Variants in AKAP13 observed in about 807,000 individuals in gnomAD.
AKAP13 encodes the protein A-kinase anchor protein 13.
A neutral mutation model predicts 264.5 loss-of-function variants in AKAP13; 80 were observed. The observed-to-expected ratio is 0.30, with a 90% CI of 0.25 to 0.36. AKAP13 has a LOEUF of 0.36. AKAP13 is among the 10% of genes least tolerant of loss of function. The pLI is 1.00. For missense variants in AKAP13, 3,712 were observed against 3,435.2 expected (o/e 1.08, Z -2.01); for synonymous variants, 1,380 against 1,250.2 (o/e 1.10, Z -2.19).
rs535020473 is a variant in AKAP13, at chr15:85,575,464, C to T, written c.861+135C>T. The T allele has an allele frequency of 1.1e-4, 94 of 844,448 alleles. No individual in the cohort carries two copies. In the African/African-American group the frequency reaches 1.2e-3, roughly 11 times the overall value. 52.3% of individuals were successfully genotyped at this position (844,448 alleles called of 1,614,324 possible). A position where few individuals can be genotyped will look rare whatever the true frequency, so the allele number is the denominator to read the frequency against. ...ATGCTTTCCTGGTGGGAGGCTGAGACGGGCGGATCACGAGGTCAGGAGATG... is the reference window on the plus strand; with the variant it reads ...ATGCTTTCCTGGTGGGAGGCTGAGATGGGCGGATCACGAGGTCAGGAGATG... On this transcript the variant is annotated intron_variant, in intron 6 of 36. Transcript: ENST00000394518.
Position 85,655,806 on chromosome 15 carries a change from T to G in AKAP13, c.4745+19T>G. On this transcript the variant is annotated intron_variant, in intron 11 of 36. Transcript: ENST00000394518. Reference sequence around the variant, plus strand: ...ACCGGAGGTGAGATGGGAGGCGGTTTGTTTAGTGTCTCAGTGTCTGCTTGC... The same window carrying G: ...ACCGGAGGTGAGATGGGAGGCGGTTGGTTTAGTGTCTCAGTGTCTGCTTGC... 1.3e-6 allele frequency: 2 copies of G among 1,594,534 alleles called. No homozygotes were observed. The highest frequency in any genetic ancestry group is 1.7e-6 in the Non-Finnish European group (2 of 1,167,806).
intron 8 of AKAP13, among the ~76,000 whole-genome samples, chr15:85,608,136 T>C (rs1389529359): frequency 1.1e-5 from 1 of 93,722 alleles, no homozygotes; most frequent in Non-Finnish European, 2.5e-5. Flanking sequence ...GCTAGAGCTA[T>C]TCTTTTTTTG....
At chr15:85,531,443 T>C (rs1263145898) in intron 3 of AKAP13, among the ~76,000 whole-genome samples, 2 of 152,368 alleles carry the variant, frequency 1.3e-5, no homozygotes, top group East Asian at 3.9e-4. Flanking sequence ...CTTTTAGCTC[T>C]TGAACAAAAC....
chr15:85,552,591 A>G (rs962381667), intron 5 of AKAP13, among the ~76,000 whole-genome samples: 4 of 149,746 alleles, frequency 2.7e-5, no homozygotes, highest in African/African-American at 9.8e-5. Context: ...ATACATTTAT[A>G]TCAGGATTGA....
chr15:85,507,629 A>G (rs866351691), intron 2 of AKAP13, among the ~76,000 whole-genome samples: 6 of 152,246 alleles, frequency 3.9e-5, no homozygotes, highest in Middle Eastern at 3.2e-3. Context: ...TTGCCCCAAG[A>G]CAGAGGGCAT....
rs187285085 is a variant in AKAP13 at position 85,523,700 on chromosome 15, T to C, written c.181+2125T>C. Among the ~76,000 whole-genome samples, 45 of 152,308 alleles carry C rather than the reference T, an allele frequency of 3.0e-4. 1 individual carries two copies. In the East Asian group the frequency reaches 8.5e-3, roughly 29 times the overall value. On this transcript the variant is annotated intron_variant, in intron 3 of 36. Coordinates refer to ENST00000394518, the MANE Select transcript of AKAP13 (RefSeq NM_007200.5). ...AAGGCTGTTCTAGGAAACTGTCACT[T>C]GATAGAACAACATTTCACACATCCA...
chr15:85,582,210 C>T (rs1448273092), intron 7 of AKAP13, 103 bp downstream of exon 7: 12 of 1,296,016 alleles, frequency 9.3e-6, no homozygotes. Context: ...TGTTTTGAGG[C>T]CTTGCACTCA....
At chr15:85,529,730 G>C (rs368346812) in intron 3 of AKAP13, among the ~76,000 whole-genome samples, 1 of 152,118 alleles carries the variant, frequency 6.6e-6, no homozygotes, top group Non-Finnish European at 1.5e-5. Flanking sequence ...GTTGATTTCC[G>C]GACAGTAGGG....
chr15:85,432,347 T>TCATGC (rs2073062167), intron 1 of AKAP13, among the ~76,000 whole-genome samples: 1 of 152,088 alleles, frequency 6.6e-6, no homozygotes, highest in Non-Finnish European at 1.5e-5. Flanking sequence ...TGAGCTCTGT[T>TCATGC]CATGCCTCTC....
chr15:85,571,407 T>C (rs898018809), intron 5 of AKAP13, among the ~76,000 whole-genome samples: 5 of 152,224 alleles, frequency 3.3e-5, no homozygotes, highest in African/African-American at 1.2e-4. Context: ...GCGCTTCAGT[T>C]ACTAACTGGT....
intron 17 of AKAP13, among the ~76,000 whole-genome samples, chr15:85,704,698 CAAAT>C (rs1278452852): frequency 6.6e-5 from 10 of 152,102 alleles, no homozygotes; most frequent in Admixed American, 6.6e-4. Context: ...GGAAATCTAT[CAAAT>C]AAATAAATAA....
intron 1 of AKAP13, among the ~76,000 whole-genome samples, chr15:85,393,844 GTAGC>G (rs1288387905): frequency 6.6e-6 from 1 of 152,114 alleles, no homozygotes; most frequent in Non-Finnish European, 1.5e-5. Flanking sequence ...TATATCCAAA[GTAGC>G]TAGTTTAAAA....
chr15:85,457,094 T>G (rs995622788), intron 1 of AKAP13, among the ~76,000 whole-genome samples: 17 of 152,126 alleles, frequency 1.1e-4, no homozygotes, highest in African/African-American at 3.6e-4. Context: ...ACCTGTAAAG[T>G]GAAGGTTGAA....
intron 1 of AKAP13, among the ~76,000 whole-genome samples, chr15:85,408,700 C>A (rs143556823): frequency 6.6e-6 from 1 of 151,870 alleles, no homozygotes; most frequent in Non-Finnish European, 1.5e-5. Flanking sequence ...TATGTATATA[C>A]CACATTTTGT....
At chr15:85,677,061 C>G in intron 14 of AKAP13, 1 of 985,454 alleles carries the variant, frequency 1.0e-6, no homozygotes, top group Non-Finnish European at 1.2e-6. Context: ...TTTCTCTTGG[C>G]TCTTCTTATT....
intron 8 of AKAP13, among the ~76,000 whole-genome samples, chr15:85,597,762 C>G (rs2079882923): frequency 1.3e-5 from 2 of 152,126 alleles, no homozygotes; most frequent in Admixed American, 6.5e-5. Context: ...AGCATGGCAT[C>G]TTTATTTTTG....
At chr15:85,394,293 T>A (rs1339138741) in intron 1 of AKAP13, among the ~76,000 whole-genome samples, 2 of 152,220 alleles carry the variant, frequency 1.3e-5, no homozygotes, top group Non-Finnish European at 2.9e-5. Flanking sequence ...ACATGTTTTT[T>A]GGGTGTATAT....
intron 18 of AKAP13, among the ~76,000 whole-genome samples, chr15:85,709,739 G>A (rs1045080651): frequency 5.9e-5 from 9 of 151,434 alleles, no homozygotes; most frequent in Non-Finnish European, 1.3e-4. Flanking sequence ...CCAGGCTGGA[G>A]TGCAATGGCA....
At position 85,748,609 on chromosome 15, in the gene AKAP13, C is replaced by CT. The variant is rs1255862970; in HGVS notation, c.*3935dup. On this transcript the variant is annotated 3_prime_UTR_variant, in exon 37 of 37. Coordinates refer to ENST00000394518, the MANE Select transcript of AKAP13 (RefSeq NM_007200.5). ...TGGAATCTACTGCCTGCTGGCCAGG[C>CT]TTTAAAATGAAAAGTGTTTTAATGC... is the stretch of plus-strand genomic sequence containing the variant. 2 of 152,096 alleles carry CT rather than the reference C, an allele frequency of 1.3e-5. No individual in the cohort carries two copies. Among genetic ancestry groups the CT allele is most frequent in the Non-Finnish European group, 2.9e-5 (2 of 68,032 alleles). The allele number at this position is 152,096 out of a possible 1,614,324, so 9.4% of individuals were successfully genotyped here. A position where few individuals can be genotyped will look rare whatever the true frequency, so the allele number is the denominator to read the frequency against.
Sources: gnomAD v4.1 joint callset for allele counts (sites outside exome capture counted in the v4.1 genomes callset) on GRCh38, gnomAD v4.1.1 for gene constraint, MANE v1.5 for transcripts, NCBI Gene and HGNC (gene_info 2026-07-23, HGNC 2026-07-21) for gene names.